EFCAB7: variants seen among roughly 807,000 people sequenced by gnomAD.
The protein encoded by EFCAB7 is EF-hand calcium-binding domain-containing protein 7.
Under a neutral mutation model 77.1 loss-of-function variants are expected in EFCAB7, and 66 were observed. That is an observed-to-expected ratio of 0.86 (90% CI 0.70 to 1.05). The LOEUF (loss-of-function observed/expected upper bound fraction) is 1.05. EFCAB7 is among the 50% of genes least tolerant of loss of function. The pLI is 0.00. For missense variants in EFCAB7, 638 were observed against 730.5 expected, an observed-to-expected ratio of 0.87 and a Z score of 1.46; for synonymous variants, 225 against 243.3, an observed-to-expected ratio of 0.92 and a Z score of 0.70.
At chr1:63,525,538 T>C in intron 1 of EFCAB7, 34 bp from the exon 2 acceptor site, 5 of 1,423,176 alleles carry the variant, frequency 3.5e-6, no homozygotes, top group Middle Eastern at 1.9e-4. Flanking sequence ...GTGACTCACA[T>C]TGACAAACAC....
At chr1:63,549,374 G>T (rs1646938538) in intron 7 of EFCAB7, 1 of 470,154 alleles carries the variant, frequency 2.1e-6, no homozygotes, top group South Asian at 1.6e-5. Flanking sequence ...TTTTACCAAG[G>T]TTTCTTTTTT....
At chr1:63,542,288 T>G (rs1646838106) in intron 6 of EFCAB7, among the ~76,000 whole-genome samples, 1 of 152,244 alleles carries the variant, frequency 6.6e-6, no homozygotes, top group Admixed American at 6.5e-5. Context: ...AGAATTTTAC[T>G]CCTTTTTAAG....
chr1:63,560,801 CG>C (rs1293370145), intron 10 of EFCAB7, among the ~76,000 whole-genome samples: 1 of 152,126 alleles, frequency 6.6e-6, no homozygotes, highest in Non-Finnish European at 1.5e-5. Flanking sequence ...GGATTACAGG[CG>C]TGAGCCACCG....
the EFCAB7 span, among the ~76,000 whole-genome samples, chr1:63,584,173 CA>C: frequency 6.6e-6 from 1 of 152,104 alleles, no homozygotes; most frequent in Non-Finnish European, 1.5e-5. Context: ...ACTTCTTTTG[CA>C]ACATGGAAAC....
rs1038385074 is a variant in EFCAB7 at position 63,572,685 on chromosome 1, A to G, written c.*169A>G. ...GTACTTTATTATTAAAATATAAATA[A>G]TGCTTTCATTGTGTGGTGTTCTTAT... On this transcript the variant is annotated 3_prime_UTR_variant, in exon 14 of 14. Transcript: ENST00000371088. 1 of 995,810 alleles carries G rather than the reference A, an allele frequency of 1.0e-6. No homozygotes were observed. The allele number at this position is 995,810 out of a possible 1,614,324, so 61.7% of individuals were successfully genotyped here.
chr1:63,560,231 C>A (rs534042562), intron 10 of EFCAB7, among the ~76,000 whole-genome samples: 4 of 152,004 alleles, frequency 2.6e-5, no homozygotes, highest in African/African-American at 7.2e-5. Context: ...GGATTACAGG[C>A]GTGAGCCACT....
chr1:63,579,872 C>A, the EFCAB7 span, among the ~76,000 whole-genome samples: 1 of 152,108 alleles, frequency 6.6e-6, no homozygotes, highest in East Asian at 1.9e-4. Flanking sequence ...CTTCTTCAAG[C>A]CTTTTGCCCA....
At chr1:63,573,031 C>T (rs1463215941), downstream of EFCAB7, among the ~76,000 whole-genome samples, 3 of 151,974 alleles carry the variant, frequency 2.0e-5, no homozygotes, top group Non-Finnish European at 2.9e-5. Context: ...AGGCAGGAAC[C>T]GGCCATCTCG....
At chr1:63,575,796 C>T (rs1351523179), downstream of EFCAB7, among the ~76,000 whole-genome samples, 22 of 151,950 alleles carry the variant, frequency 1.4e-4, no homozygotes, top group Admixed American at 1.4e-3. Flanking sequence ...CCATGTTGCC[C>T]AGGCTGCTCT....
At chr1:63,557,840 G>A (rs914045912) in intron 10 of EFCAB7, among the ~76,000 whole-genome samples, 3 of 152,176 alleles carry the variant, frequency 2.0e-5, no homozygotes, top group Admixed American at 1.3e-4. Flanking sequence ...AGACCCCAAG[G>A]TCGAGGGAAA....
At chr1:63,544,856 T>G (rs560850674) in intron 6 of EFCAB7, among the ~76,000 whole-genome samples, 1 of 152,286 alleles carries the variant, frequency 6.6e-6, no homozygotes, top group South Asian at 2.1e-4. Context: ...CTAGCACTAA[T>G]CTCATTCTAT....
At chr1:63,533,420 A>G (rs751991888) in intron 4 of EFCAB7, 34 bp from the exon 5 acceptor site, 1 of 1,532,698 alleles carries the variant, frequency 6.5e-7, no homozygotes, top group Non-Finnish European at 8.9e-7. Flanking sequence ...GTATGATTGA[A>G]TGTTTTACCC....
intron 7 of EFCAB7, chr1:63,548,380 A>G (rs1646924629): frequency 1.3e-5 from 2 of 152,182 alleles, no homozygotes; most frequent in African/African-American, 4.8e-5. Context: ...TATAAGGTCA[A>G]GATTTTATCT....
chr1:63,552,452 G>A (rs775466821), intron 8 of EFCAB7, among the ~76,000 whole-genome samples: 3 of 152,038 alleles, frequency 2.0e-5, no homozygotes, highest in African/African-American at 4.8e-5. Context: ...TGCTGTAGAC[G>A]TTTGTCTTAC....
chr1:63,546,527 G>T (rs549887813), intron 7 of EFCAB7, among the ~76,000 whole-genome samples: 1 of 151,858 alleles, frequency 6.6e-6, no homozygotes. Flanking sequence ...CACCTCGCCC[G>T]CCTAATCTTT....
At chr1:63,576,445 A>G (rs532942405), downstream of EFCAB7, among the ~76,000 whole-genome samples, 12 of 152,096 alleles carry the variant, frequency 7.9e-5, 1 homozygote, top group African/African-American at 2.9e-4. Flanking sequence ...GCATCATTGC[A>G]TTCCAGCCCG....
At chr1:63,526,701 T>C (rs1474819065) in intron 2 of EFCAB7, among the ~76,000 whole-genome samples, 3 of 152,242 alleles carry the variant, frequency 2.0e-5, no homozygotes, top group Non-Finnish European at 2.9e-5. Flanking sequence ...ACTAAAATGC[T>C]CTATTTTGAA....
intron 2 of EFCAB7, chr1:63,529,951 T>A (rs1570377624): frequency 6.6e-6 from 1 of 151,992 alleles, no homozygotes. Context: ...GCCAGGCTGG[T>A]CTTGAACTCC....
At chr1:63,546,133 T>C (rs1290420362) in intron 7 of EFCAB7, 76 bp downstream of exon 7, 1 of 1,440,812 alleles carries the variant, frequency 6.9e-7, no homozygotes, top group African/African-American at 1.4e-5. Context: ...AAGTATTCCA[T>C]AGTCCTAGTT....
Sources: gnomAD v4.1 joint callset for allele counts (sites outside exome capture counted in the v4.1 genomes callset) on GRCh38, gnomAD v4.1.1 for gene constraint, MANE v1.5 for transcripts, NCBI Gene and HGNC (gene_info 2026-07-23, HGNC 2026-07-21) for gene names.